MAPKAP1: variants seen among roughly 807,000 people sequenced by gnomAD.
MAPKAP1 encodes the protein target of rapamycin complex 2 subunit MAPKAP1.
Under a neutral mutation model 65.7 loss-of-function variants are expected in MAPKAP1, and 20 were observed. The observed-to-expected ratio is 0.30, with a 90% confidence interval of 0.21 to 0.44. The LOEUF is 0.44. MAPKAP1 is among the 20% of genes least tolerant of loss of function. The pLI, the probability that MAPKAP1 is intolerant of heterozygous loss-of-function variation, is 1.00. For missense variants in MAPKAP1, 423 were observed against 648.0 expected, an observed-to-expected ratio of 0.65 and a Z score of 3.77; for synonymous variants, 222 against 244.3, an observed-to-expected ratio of 0.91 and a Z score of 0.85.
At chr9:125,541,564 A>C (rs1029165697) in intron 7 of MAPKAP1, among the ~76,000 whole-genome samples, 1 of 152,210 alleles carries the variant, frequency 6.6e-6, no homozygotes, top group Non-Finnish European at 1.5e-5. Context: ...AAGCTGTTTA[A>C]AAGCTATTAG....
intron 10 of MAPKAP1, among the ~76,000 whole-genome samples, chr9:125,459,147 C>T (rs1286534643): frequency 1.5e-3 from 217 of 148,316 alleles, no homozygotes; most frequent in African/African-American, 4.9e-3. Flanking sequence ...GGGTCGCGGC[C>T]GGGCAGAGGC....
chr9:125,541,797 T>C (rs148710527), intron 7 of MAPKAP1, among the ~76,000 whole-genome samples: 1 of 152,382 alleles, frequency 6.6e-6, no homozygotes, highest in African/African-American at 2.4e-5. Context: ...CATGCTGAGA[T>C]GAAATCAAGA....
At chr9:125,622,795 GCTCTCCC>G (rs138362788) in intron 4 of MAPKAP1, among the ~76,000 whole-genome samples, 79,485 of 149,474 alleles carry the variant, frequency 0.53, 21,599 homozygotes, top group East Asian at 0.82. Flanking sequence ...CAAGGGAGAG[GCTCTCCC>G]CTCTCCCCTC....
chr9:125,440,456 T>G (rs2132914624), intron 11 of MAPKAP1, among the ~76,000 whole-genome samples: 1 of 152,314 alleles, frequency 6.6e-6, no homozygotes, highest in African/African-American at 2.4e-5. Flanking sequence ...CTAAAAGTTT[T>G]GACTAGAAGG....
intron 5 of MAPKAP1, among the ~76,000 whole-genome samples, chr9:125,577,063 T>C (rs1831431125): frequency 6.7e-6 from 1 of 148,612 alleles, no homozygotes; most frequent in Non-Finnish European, 1.5e-5. Context: ...CCATCCCATC[T>C]AGGAAGTGAG....
At position 125,673,931 on chromosome 9, in the gene MAPKAP1, G is replaced by A. The variant is rs919966138; in HGVS notation, c.-69-1288C>T. On this transcript the variant is annotated intron_variant, in intron 1 of 11. Coordinates refer to ENST00000265960, the MANE Select transcript of MAPKAP1 (RefSeq NM_001006617.3). ...CACTCCAGCCTGGGTGACATAGTGA[G>A]ACCCTGTCTTCTAAAAACAAAACAA... Among the ~76,000 whole-genome samples, 5 of 144,934 alleles carry A rather than the reference G, an allele frequency of 3.4e-5. No homozygotes were observed. The East Asian group carries it at 1.0e-3, about 30-fold the overall frequency.
rs1831327854 is a variant in MAPKAP1, at chr9:125,574,335, C to G, written c.671+11220G>C. On this transcript the variant is annotated intron_variant, in intron 5 of 11. Coordinates refer to ENST00000265960, the MANE Select transcript of MAPKAP1 (RefSeq NM_001006617.3). ...TTTCTGACTACAGAAATAGCAAAAG[C>G]ACTTATGGTATTGATGTTAAAAAGC... is the stretch of plus-strand genomic sequence containing the variant. Among the ~76,000 whole-genome samples, 3 of 152,170 alleles carry G rather than the reference C, an allele frequency of 2.0e-5. No individual in the cohort carries two copies. The South Asian group carries it at 6.2e-4, about 32-fold the overall frequency.
intron 1 of MAPKAP1, among the ~76,000 whole-genome samples, chr9:125,673,649 G>C (rs970951324): frequency 3.3e-5 from 5 of 152,128 alleles, no homozygotes; most frequent in African/African-American, 9.7e-5. Flanking sequence ...GCCGGGCACA[G>C]TGATTCACAC....
At chr9:125,530,511 G>A (rs1480894257) in intron 7 of MAPKAP1, among the ~76,000 whole-genome samples, 1 of 152,194 alleles carries the variant, frequency 6.6e-6, no homozygotes, top group Non-Finnish European at 1.5e-5. Flanking sequence ...ATTACAGTTT[G>A]TTCACATTAT....
chr9:125,586,798 A>C (rs572184482), intron 4 of MAPKAP1, among the ~76,000 whole-genome samples: 2 of 152,222 alleles, frequency 1.3e-5, no homozygotes, highest in East Asian at 3.9e-4. Context: ...GTGTCACAGA[A>C]AACGAGTTCA....
chr9:125,598,886 A>G lies in MAPKAP1; in HGVS notation c.499-13159T>C, dbSNP rs144085490. Among the ~76,000 whole-genome samples the G allele has an allele frequency of 8.2e-4, 124 of 152,140 alleles. 3 individuals are homozygous for G. The highest frequency in any genetic ancestry group is 2.8e-3 in the African/African-American group (117 of 41,510). ...AAAACCCCGTCTCTACTAAAAATAC[A>G]AAAAATAGCCAGGCGTGGTGGCAGG... On this transcript the variant is annotated intron_variant, in intron 4 of 11. Transcript: ENST00000265960.
intron 1 of MAPKAP1, among the ~76,000 whole-genome samples, chr9:125,694,629 C>T (rs1372963986): frequency 6.6e-6 from 1 of 152,132 alleles, no homozygotes; most frequent in South Asian, 2.1e-4. Flanking sequence ...ATGTTAGACA[C>T]ACTTTATAGA....
chr9:125,477,878 T>C (rs1854167773), intron 9 of MAPKAP1, among the ~76,000 whole-genome samples: 1 of 152,184 alleles, frequency 6.6e-6, no homozygotes, highest in Admixed American at 6.5e-5. Context: ...TTAATGGAAA[T>C]AACCTCAACT....
chr9:125,512,589 T>TGAGATGGAGTA (rs1829333550), intron 7 of MAPKAP1, among the ~76,000 whole-genome samples: 1 of 152,114 alleles, frequency 6.6e-6, no homozygotes, highest in African/African-American at 2.4e-5. Flanking sequence ...TATTTTTTTT[T>TGAGATGGAGTA]TGTTTCTTTT....
rs142944882 is a variant in MAPKAP1 at position 125,610,084 on chromosome 9, G to A, written c.499-24357C>T. On this transcript the variant is annotated intron_variant, in intron 4 of 11. Coordinates refer to ENST00000265960, the MANE Select transcript of MAPKAP1 (RefSeq NM_001006617.3). ...TTCCCAAAACCAATATATTTGAAAA[G>A]CTTTTTTGGAGGGAAAGTTCTTATT... 4.2e-3 allele frequency among the ~76,000 whole-genome samples: 645 copies of A among 152,282 alleles called. 4 individuals are homozygous for A. Among genetic ancestry groups the A allele is most frequent in the African/African-American group, 0.015 (603 of 41,556 alleles).
In MAPKAP1 at chr9:125,543,111, C is replaced by T. The variant is rs11542134; in HGVS notation, c.906G>A (p.Lys302=). Residue 302 remains lysine (K), a synonymous_variant, in exon 7 of 12, where the codon AAG becomes AAA. Transcript: ENST00000265960. ...GCTTCACTGCCTTCAGTAAGATTTC[C>T]TTCATGGTAACCTTTGTGTTGTCCA... is the stretch of plus-strand genomic sequence containing the variant. ...IQVDNTKVTM[K]EILLKAVKRR... 13,875 of 1,614,014 alleles carry T rather than the reference C, an allele frequency of 8.6e-3. 92 individuals carry two copies. The highest frequency in any genetic ancestry group is 0.01 in the Non-Finnish European group (12,161 of 1,179,856).
chr9:125,596,086 G>C, intron 4 of MAPKAP1: 1 of 1,011,528 alleles, frequency 9.9e-7, no homozygotes, highest in Non-Finnish European at 1.5e-6. Flanking sequence ...ACTGACCGAG[G>C]CAGTGGCAAG....
At chr9:125,651,410 G>C (rs1002360978) in intron 4 of MAPKAP1, among the ~76,000 whole-genome samples, 2 of 152,026 alleles carry the variant, frequency 1.3e-5, no homozygotes, top group African/African-American at 4.8e-5. Context: ...TTTGAGACGA[G>C]CCTGGCCAAC....
intron 7 of MAPKAP1, among the ~76,000 whole-genome samples, chr9:125,538,008 T>C (rs921309045): frequency 3.9e-5 from 6 of 152,164 alleles, no homozygotes; most frequent in Admixed American, 6.5e-5. Flanking sequence ...AAGGCAATCA[T>C]CAACTCTGTA....
Sources: allele counts gnomAD v4.1 joint callset (sites outside exome capture counted in the v4.1 genomes callset), GRCh38; gene constraint gnomAD v4.1.1; transcripts MANE v1.5; gene names NCBI Gene and HGNC (gene_info 2026-07-23, HGNC 2026-07-21).